Variants in RPH3A observed in about 807,000 individuals in gnomAD.
RPH3A encodes rabphilin-3A.
In RPH3A, 48 loss-of-function variants were observed where a neutral mutation model predicts 102.2. The observed-to-expected ratio is 0.47, with a 90% CI of 0.37 to 0.60. The LOEUF is 0.60. Ranked by LOEUF, RPH3A falls within the 20% of genes least tolerant of loss-of-function variation. RPH3A has a pLI of 0.00. For synonymous variants in RPH3A, 310 were observed against 324.3 expected, an observed-to-expected ratio of 0.96 and a Z score of 0.47; for missense variants, 781 against 910.1, an observed-to-expected ratio of 0.86 and a Z score of 1.83.
intron 10 of RPH3A, among the ~76,000 whole-genome samples, chr12:112,871,818 T>C (rs1423114925): frequency 6.7e-6 from 1 of 149,566 alleles, no homozygotes; most frequent in East Asian, 1.9e-4. Flanking sequence ...ATTATATACA[T>C]ATAGTGTATA....
intron 1 of RPH3A, among the ~76,000 whole-genome samples, chr12:112,660,487 T>G (rs927166134): frequency 1.3e-5 from 2 of 152,152 alleles, no homozygotes; most frequent in African/African-American, 4.8e-5. Flanking sequence ...CTGTACCACC[T>G]GATGGCTGCC....
intron 1 of RPH3A, among the ~76,000 whole-genome samples, chr12:112,727,458 G>GAC (rs60493848): frequency 0.42 from 12,311 of 29,310 alleles, 1,514 homozygotes; most frequent in Non-Finnish European, 0.48. Context: ...CACAGACACA[G>GAC]ACACACACAC....
Position 112,870,054 on chromosome 12 carries a change from C to A in RPH3A, c.796+15C>A. ...GAGCCCAGCAGGTGAGCAAGATGGG[C>A]AAATCCAGAGACAGTTCTCTGGATA... On this transcript the variant is annotated intron_variant, in intron 10 of 21. Transcript: ENST00000389385. 1 of 1,605,348 alleles carries A rather than the reference C, an allele frequency of 6.2e-7. No homozygotes were observed. Among genetic ancestry groups the A allele is most frequent in the Non-Finnish European group, 8.5e-7 (1 of 1,176,754 alleles).
At chr12:112,783,490 G>A (rs1039393914) in intron 1 of RPH3A, among the ~76,000 whole-genome samples, 6 of 152,110 alleles carry the variant, frequency 3.9e-5, no homozygotes, top group South Asian at 2.1e-4. Context: ...TCCACTGGCC[G>A]GTAGCTTGGA....
upstream of RPH3A, chr12:112,791,480 C>T (rs1438136695): frequency 6.6e-6 from 1 of 151,778 alleles, no homozygotes; most frequent in Non-Finnish European, 1.5e-5. Flanking sequence ...TCTGCTTTAA[C>T]CATCCAATTA....
At chr12:112,812,569 C>T (rs1565895306) in intron 2 of RPH3A, among the ~76,000 whole-genome samples, 2 of 152,214 alleles carry the variant, frequency 1.3e-5, no homozygotes, top group African/African-American at 4.8e-5. Flanking sequence ...ATCTTGATAG[C>T]TGCATGAATC....
Position 112,874,932 on chromosome 12 carries a change from C to T in RPH3A, c.797-152C>T, listed in dbSNP as rs371930535. ...TTGAGAAGAAAGAACACACTGAAGG[C>T]AGAAGAGTCAGAAAGAGCTGAGCGA... On this transcript the variant is annotated intron_variant, in intron 10 of 21. Coordinates refer to ENST00000389385, the MANE Select transcript of RPH3A (RefSeq NM_001143854.2). The T allele has an allele frequency of 6.7e-6, 4 of 599,414 alleles. No individual in the cohort carries two copies. The African/African-American group carries it at 7.5e-5, about 11-fold the overall frequency. The allele number at this position is 599,414 out of a possible 1,614,324, so 37.1% of individuals were successfully genotyped here.
chr12:112,832,814 G>A (rs2041991210), intron 3 of RPH3A, among the ~76,000 whole-genome samples: 1 of 152,132 alleles, frequency 6.6e-6, no homozygotes, highest in African/African-American at 2.4e-5. Flanking sequence ...CCACACTCCA[G>A]CTTGGGTAAC....
rs540140736 is a variant in RPH3A at position 112,726,755 on chromosome 12, G to A, written c.-139-65388G>A. On this transcript the variant is annotated intron_variant, in intron 1 of 21. Coordinates refer to the RPH3A transcript ENST00000543106. Reference sequence around the variant, plus strand: ...GGCATTTTTCTGGCTGGGTGCAGTGGCTCACGCCTGTAATCCTAGCACTTT... The same window carrying A: ...GGCATTTTTCTGGCTGGGTGCAGTGACTCACGCCTGTAATCCTAGCACTTT... Among the ~76,000 whole-genome samples, 8 of 152,194 alleles carry A rather than the reference G, an allele frequency of 5.3e-5. No homozygotes were observed. In the East Asian group the frequency reaches 9.7e-4, roughly 18 times the overall value.
chr12:112,591,777 T>C (rs1176562506), intron 1 of RPH3A, among the ~76,000 whole-genome samples: 1 of 152,244 alleles, frequency 6.6e-6, no homozygotes, highest in East Asian at 1.9e-4. Context: ...AGGCAGTCTG[T>C]GATGTATTGT....
In RPH3A at chr12:112,875,172, T is replaced by C; in HGVS notation, c.883+2T>C. ...CGCCACCTCAGCCTGGGCAGCCAGG[T>C]ACCTGCCACTCACCTGCTAGCACCT... On this transcript the variant is annotated splice_donor_variant, in intron 11 of 21. Coordinates refer to ENST00000389385, the MANE Select transcript of RPH3A (RefSeq NM_001143854.2). LOFTEE classifies it high-confidence loss of function. The C allele has an allele frequency of 6.3e-7, 1 of 1,596,184 alleles. No individual in the cohort carries two copies. The highest frequency in any genetic ancestry group is 8.5e-7 in the Non-Finnish European group (1 of 1,171,950).
chr12:112,727,216 G>A (rs1317852951), intron 1 of RPH3A, among the ~76,000 whole-genome samples: 1 of 150,680 alleles, frequency 6.6e-6, no homozygotes, highest in African/African-American at 2.4e-5. Flanking sequence ...ATATCGAAGA[G>A]GTGTTGTGTT....
chr12:112,879,441 C>A (rs1236111737), intron 14 of RPH3A, among the ~76,000 whole-genome samples: 1 of 152,218 alleles, frequency 6.6e-6, no homozygotes, highest in African/African-American at 2.4e-5. Flanking sequence ...TGCAGCTGGG[C>A]TTCAAGAGCA....
intron 2 of RPH3A, among the ~76,000 whole-genome samples, chr12:112,804,030 C>T (rs1425443515): frequency 4.6e-5 from 7 of 152,156 alleles, no homozygotes. Flanking sequence ...TTGCATAGGA[C>T]TTGAATTTTT....
intron 1 of RPH3A, among the ~76,000 whole-genome samples, chr12:112,632,802 C>T (rs761063968): frequency 5.3e-5 from 8 of 152,182 alleles, no homozygotes; most frequent in African/African-American, 7.2e-5. Flanking sequence ...TGGAGCATAG[C>T]GGACAAGGGA....
chr12:112,814,111 G>T (rs2041630246), intron 2 of RPH3A, among the ~76,000 whole-genome samples: 1 of 151,660 alleles, frequency 6.6e-6, no homozygotes, highest in Admixed American at 6.6e-5. Flanking sequence ...AGGATGTGGA[G>T]TGTGGGTGGG....
intron 1 of RPH3A, among the ~76,000 whole-genome samples, chr12:112,780,695 A>G (rs1440230323): frequency 6.6e-6 from 1 of 152,146 alleles, no homozygotes; most frequent in Non-Finnish European, 1.5e-5. Context: ...AGACAGGTAG[A>G]CACTCTTCTT....
At chr12:112,820,868 A>G (rs1344725283) in intron 2 of RPH3A, among the ~76,000 whole-genome samples, 1 of 152,218 alleles carries the variant, frequency 6.6e-6, no homozygotes, top group Non-Finnish European at 1.5e-5. Context: ...TGGAGGGGAC[A>G]GTGAGTTTGC....
intron 4 of RPH3A, chr12:112,842,028 T>C: frequency 2.2e-6 from 1 of 456,060 alleles, no homozygotes; most frequent in Non-Finnish European, 4.4e-6. Flanking sequence ...GTCAAAGAGT[T>C]TCCTGATTTC....
Sources: allele counts gnomAD v4.1 joint callset (sites outside exome capture counted in the v4.1 genomes callset), GRCh38; gene constraint gnomAD v4.1.1; transcripts MANE v1.5; gene names NCBI Gene and HGNC (gene_info 2026-07-23, HGNC 2026-07-21).